Variants in SZRD1 observed in about 807,000 individuals in gnomAD.
The protein encoded by SZRD1 is SUZ RNA-binding domain-containing.
Under a neutral mutation model 17.6 loss-of-function variants are expected in SZRD1, and 7 were observed. The observed-to-expected ratio is 0.40, with a 90% CI of 0.23 to 0.75. The LOEUF (loss-of-function observed/expected upper bound fraction) is 0.75, where lower values mean the gene tolerates loss of function less well. Ranked by LOEUF, SZRD1 falls within the 30% of genes least tolerant of loss-of-function variation. SZRD1 has a pLI of 0.38. For synonymous variants in SZRD1, 77 were observed against 77.9 expected (o/e 0.99, Z 0.06); for missense variants, 178 against 201.8 (o/e 0.88, Z 0.71).
In SZRD1 at chr1:16,387,093, G is replaced by T. The variant is rs548809621; in HGVS notation, c.52-4282G>T. On this transcript the variant is annotated intron_variant, in intron 1 of 3. Coordinates refer to ENST00000401088, the MANE Select transcript of SZRD1 (RefSeq NM_001114600.3). ...AGAAAATGAATGTCTGGGGAAGAAT[G>T]TTGACAGCCATAATACATTATATCG... 7.1e-5 allele frequency: 23 copies of T among 322,776 alleles called. No homozygotes were observed. The Admixed American group carries it at 8.0e-4, about 11-fold the overall frequency. 20.0% of individuals were successfully genotyped at this position (322,776 alleles called of 1,614,324 possible). A position where few individuals can be genotyped will look rare whatever the true frequency, so the allele number is the denominator to read the frequency against.
intron 1 of SZRD1, among the ~76,000 whole-genome samples, chr1:16,373,175 C>T (rs2082941662): frequency 6.6e-6 from 1 of 150,404 alleles, no homozygotes; most frequent in Admixed American, 6.6e-5. Context: ...GAAAGGCTTC[C>T]TTGTACTTGG....
intron 1 of SZRD1, among the ~76,000 whole-genome samples, chr1:16,373,224 C>T (rs1021889471): frequency 9.1e-6 from 1 of 110,092 alleles, no homozygotes; most frequent in Non-Finnish European, 2.0e-5. Flanking sequence ...GTGCAAGGAG[C>T]TTTGAAGTTT....
rs1324601659 is a variant in SZRD1, at chr1:16,367,283, G to C, written c.26G>C (p.Ser9Thr). MEDEEVAE[S>T]WEEAADSGEI... ...ATGGAAGATGAGGAGGTCGCTGAGAGCTGGGAAGAGGCGGCAGACAGCGGG... is the reference window on the plus strand; with the variant it reads ...ATGGAAGATGAGGAGGTCGCTGAGACCTGGGAAGAGGCGGCAGACAGCGGG... The change falls in exon 1 of 4, where the codon AGC (serine) becomes ACC (threonine). Residue 9 changes from serine (S) to threonine (T), a missense_variant. This residue lies in a region of SZRD1 where 117 missense variants were observed against 108.7 expected (regional missense o/e 1.08). Coordinates refer to ENST00000401088, the MANE Select transcript of SZRD1 (RefSeq NM_001114600.3). The C allele has an allele frequency of 6.5e-7, 1 of 1,548,844 alleles. No individual in the cohort carries two copies. Among genetic ancestry groups the C allele is most frequent in the Non-Finnish European group, 8.7e-7 (1 of 1,146,634 alleles).
At chr1:16,378,908 G>T (rs541630201) in intron 1 of SZRD1, among the ~76,000 whole-genome samples, 1 of 144,756 alleles carries the variant, frequency 6.9e-6, no homozygotes, top group African/African-American at 2.6e-5. Flanking sequence ...TGTATTTTTG[G>T]TGGAGAGGAG....
intron 1 of SZRD1, among the ~76,000 whole-genome samples, chr1:16,382,907 C>G (rs565172907): frequency 6.6e-6 from 1 of 152,140 alleles, no homozygotes; most frequent in African/African-American, 2.4e-5. Context: ...ACTCTCTCCC[C>G]CCTGCTAGAG....
chr1:16,373,504 G>GGGAGGT (rs1387868043), intron 1 of SZRD1, among the ~76,000 whole-genome samples: 10 of 151,596 alleles, frequency 6.6e-5, no homozygotes, highest in African/African-American at 2.4e-4. Context: ...GCTTGAACCT[G>GGGAGGT]GGAGGTGGAG....
chr1:16,369,643 C>T (rs1405999868), intron 1 of SZRD1: 2 of 547,750 alleles, frequency 3.7e-6, no homozygotes, highest in African/African-American at 1.9e-5. Context: ...AATCCCAGCA[C>T]TGTGGGAGGC....
chr1:16,368,719 T>C (rs557334421), intron 1 of SZRD1, among the ~76,000 whole-genome samples: 1 of 152,258 alleles, frequency 6.6e-6, no homozygotes, highest in African/African-American at 2.4e-5. Context: ...TGCCAGAAAA[T>C]GCAACATTTT....
At position 16,367,317 on chromosome 1, in the gene SZRD1, G is replaced by C. The variant is rs996135855; in HGVS notation, c.51+9G>C. On this transcript the variant is annotated intron_variant, in intron 1 of 3. Transcript: ENST00000401088. ...AGGCGGCAGACAGCGGGGTAAGGAGGAGCCGCCGTCCCATGGCAGGGCCGG... is the reference window on the plus strand; with the variant it reads ...AGGCGGCAGACAGCGGGGTAAGGAGCAGCCGCCGTCCCATGGCAGGGCCGG... 5 of 1,548,198 alleles carry C rather than the reference G, an allele frequency of 3.2e-6. No individual in the cohort carries two copies. In the African/African-American group the frequency reaches 6.9e-5, roughly 21 times the overall value.
chr1:16,376,661 C>T (rs1299522143), intron 1 of SZRD1, among the ~76,000 whole-genome samples: 1 of 151,086 alleles, frequency 6.6e-6, no homozygotes, highest in African/African-American at 2.5e-5. Context: ...CAAAAATTAG[C>T]CAGGTGTGGT....
chr1:16,371,462 C>T (rs1185987638), intron 1 of SZRD1, among the ~76,000 whole-genome samples: 1 of 145,030 alleles, frequency 6.9e-6, no homozygotes, highest in East Asian at 2.1e-4. Context: ...TTTTTTTTTC[C>T]CCTTTTTTTT....
At chr1:16,368,218 C>CT (rs139014552) in intron 1 of SZRD1, among the ~76,000 whole-genome samples, 1,721 of 152,218 alleles carry the variant, frequency 0.011, 38 homozygotes, top group African/African-American at 0.04. Flanking sequence ...TGGGGAGATG[C>CT]TTTTTTTGTC....
rs1157536813 is a variant in SZRD1, at chr1:16,395,982, G to T, written c.*842G>T. 1.3e-5 allele frequency: 2 copies of T among 152,702 alleles called. No homozygotes were observed. Among genetic ancestry groups the T allele is most frequent in the African/African-American group, 2.4e-5 (1 of 41,456 alleles). The allele number at this position is 152,702 out of a possible 1,614,324, so 9.5% of individuals were successfully genotyped here. On this transcript the variant is annotated 3_prime_UTR_variant, in exon 4 of 4. Coordinates refer to ENST00000401088, the MANE Select transcript of SZRD1 (RefSeq NM_001114600.3). ...CAACCCCACCTCTAGTATTTTGGGAGATAGGGAAAGTGAACCGACTTCCCC... is the reference window on the plus strand; with the variant it reads ...CAACCCCACCTCTAGTATTTTGGGATATAGGGAAAGTGAACCGACTTCCCC...
chr1:16,393,100 A>T lies in SZRD1; in HGVS notation c.102-128A>T. On this transcript the variant is annotated intron_variant, in intron 2 of 3. Coordinates refer to ENST00000401088, the MANE Select transcript of SZRD1 (RefSeq NM_001114600.3). The surrounding 1 kb of genome is among the most constrained non-coding windows in gnomAD (Gnocchi z 5.6). ...AGTGGAAATTTTGCTGTCTGGTCAG[A>T]GGCCAGAGAATCATGCATGGGTAGA... is the stretch of plus-strand genomic sequence containing the variant. 2 of 1,312,170 alleles carry T rather than the reference A, an allele frequency of 1.5e-6. No homozygotes were observed. 81.3% of individuals were successfully genotyped at this position (1,312,170 alleles called of 1,614,324 possible).
chr1:16,387,624 G>A (rs1374252988), intron 1 of SZRD1: 1 of 456,538 alleles, frequency 2.2e-6, no homozygotes, highest in Non-Finnish European at 4.4e-6. Flanking sequence ...CTGCTTGCCT[G>A]GTCTATGAAG....
chr1:16,368,805 A>C (rs2082864256), intron 1 of SZRD1, among the ~76,000 whole-genome samples: 1 of 152,182 alleles, frequency 6.6e-6, no homozygotes, highest in Non-Finnish European at 1.5e-5. Flanking sequence ...TTGGCTTACA[A>C]CTTTAATATC....
chr1:16,379,044 A>C (rs1280404787), intron 1 of SZRD1, among the ~76,000 whole-genome samples: 2 of 149,438 alleles, frequency 1.3e-5, no homozygotes, highest in Non-Finnish European at 3.0e-5. Flanking sequence ...ATCCTACTTT[A>C]TTAGCTCCTG....
intron 1 of SZRD1, among the ~76,000 whole-genome samples, chr1:16,372,297 AC>A (rs1489981686): frequency 3.3e-5 from 5 of 152,012 alleles, no homozygotes; most frequent in African/African-American, 1.2e-4. Context: ...ACATGGTGAA[AC>A]CCCGTCTCTA....
chr1:16,376,958 C>T (rs1280139618), intron 1 of SZRD1, among the ~76,000 whole-genome samples: 1 of 152,096 alleles, frequency 6.6e-6, no homozygotes, highest in East Asian at 1.9e-4. Context: ...GGTGCGTGAG[C>T]CACTGCACCT....
Sources: gnomAD v4.1 joint callset for allele counts (sites outside exome capture counted in the v4.1 genomes callset) on GRCh38, gnomAD v4.1.1 for gene constraint, gnomAD v4.1.1 regional missense constraint, Gnocchi (gnomAD v3.1) non-coding constraint, MANE v1.5 for transcripts, NCBI Gene and HGNC (gene_info 2026-07-23, HGNC 2026-07-21) for gene names.